ZNF808: variants seen among roughly 807,000 people sequenced by gnomAD.
The protein encoded by ZNF808 is zinc finger protein 808.
ZNF808 carries 5 observed loss-of-function variants against 8.7 expected under a neutral mutation model. That is an observed-to-expected ratio of 0.58 (90% confidence interval 0.30 to 1.21). The LOEUF is 1.21. ZNF808 is among the 50% of genes most tolerant of loss of function. ZNF808 has a pLI of 0.07. For missense variants in ZNF808, 1,103 were observed against 1,098.4 expected (o/e 1.00, Z -0.06); for synonymous variants, 380 against 366.0 (o/e 1.04, Z -0.44).
intron 4 of ZNF808, among the ~76,000 whole-genome samples, chr19:52,548,143 G>C (rs1209253041): frequency 3.3e-5 from 5 of 152,152 alleles, no homozygotes; most frequent in Non-Finnish European, 7.3e-5. Flanking sequence ...AGTCAGTGGT[G>C]TTGCAATTCC....
intron 4 of ZNF808, among the ~76,000 whole-genome samples, chr19:52,549,224 C>T (rs541664302): frequency 7.2e-5 from 11 of 152,194 alleles, no homozygotes; most frequent in Admixed American, 1.3e-4. Flanking sequence ...CTGATGCACC[C>T]GCTCATCCTC....
chr19:52,529,911 ATTTT>A lies in ZNF808; in HGVS notation c.-122+2209_-122+2212del, dbSNP rs201852253. ...AGTTTACATATATATATATATATAT[ATTTT>A]TTTTTTTTGTAGAAACGTGGTTTCA... On this transcript the variant is annotated intron_variant, in intron 1 of 4. Transcript: ENST00000359798. 1.2e-3 allele frequency among the ~76,000 whole-genome samples: 96 copies of A among 81,912 alleles called. 1 individual carries two copies. Among genetic ancestry groups the A allele is most frequent in the African/African-American group, 4.2e-3 (83 of 19,564 alleles). 53.7% of individuals were successfully genotyped at this position (81,912 alleles called of 152,430 possible). A position where few individuals can be genotyped will look rare whatever the true frequency, so the allele number is the denominator to read the frequency against.
downstream of ZNF808, among the ~76,000 whole-genome samples, chr19:52,565,976 A>G (rs1274004164): frequency 6.6e-6 from 1 of 152,190 alleles, no homozygotes; most frequent in Admixed American, 6.5e-5. Flanking sequence ...CCTAGTAGAT[A>G]CTTTTGGATC....
In ZNF808 at chr19:52,554,701, C is replaced by T. The variant is rs770215846; in HGVS notation, c.1785C>T (p.Tyr595=). Residue 595 remains tyrosine (Y), a synonymous_variant, in exon 5 of 5, where the codon TAC becomes TAT. Transcript: ENST00000359798. ...HRRLHTGEKP[Y]KCEACDKVFG... Reference sequence around the variant, plus strand: ...GACTTCATACTGGAGAGAAACCTTACAAATGTGAAGCATGTGACAAAGTTT... The same window carrying T: ...GACTTCATACTGGAGAGAAACCTTATAAATGTGAAGCATGTGACAAAGTTT... 2 of 1,613,808 alleles carry T rather than the reference C, an allele frequency of 1.2e-6. No homozygotes were observed. Among genetic ancestry groups the T allele is most frequent in the East Asian group, 2.2e-5 (1 of 44,864 alleles).
chr19:52,558,149 A>G (rs10409254), downstream of ZNF808, among the ~76,000 whole-genome samples: 3,023 of 140,966 alleles, frequency 0.021, 109 homozygotes, highest in African/African-American at 0.077. Flanking sequence ...GCAGTGGCGC[A>G]ATCTCGGCTC....
At chr19:52,568,479 A>G (rs984348347), downstream of ZNF808, among the ~76,000 whole-genome samples, 2 of 151,872 alleles carry the variant, frequency 1.3e-5, no homozygotes, top group Admixed American at 6.6e-5. Context: ...AGCCCCAGAG[A>G]TAAGACCTCC....
chr19:52,558,179 G>A (rs1458290608), downstream of ZNF808, among the ~76,000 whole-genome samples: 3 of 145,890 alleles, frequency 2.1e-5, no homozygotes, highest in Non-Finnish European at 4.5e-5. Flanking sequence ...TCCGCCTCCT[G>A]GGTTCACGCC....
At chr19:52,538,461 C>T (rs939454800) in intron 2 of ZNF808, among the ~76,000 whole-genome samples, 28 of 150,604 alleles carry the variant, frequency 1.9e-4, no homozygotes, top group Non-Finnish European at 7.4e-5. Flanking sequence ...TCCTGCGATA[C>T]TACCCCCTGA....
intron 2 of ZNF808, among the ~76,000 whole-genome samples, chr19:52,542,313 A>G (rs2123125281): frequency 6.6e-6 from 1 of 152,058 alleles, no homozygotes. Context: ...TGCCCCCAGG[A>G]CCTCTCTGAC....
intron 2 of ZNF808, among the ~76,000 whole-genome samples, chr19:52,536,486 A>C (rs540282070): frequency 2.0e-4 from 30 of 151,928 alleles, no homozygotes; most frequent in African/African-American, 6.8e-4. Flanking sequence ...CCCTTGTCTT[A>C]AGGCGCCGTC....
rs759793294 is a variant in ZNF808 at position 52,555,204 on chromosome 19, A to G, written c.2288A>G (p.Tyr763Cys). ...HRRLHSGEKP[Y>C]KCNDCGNTFR... ...AGACTTCATAGTGGTGAGAAACCTT[A>G]CAAGTGTAACGACTGTGGCAATACC... The change falls in exon 5 of 5, where the codon TAC becomes TGC. Residue 763 changes from tyrosine (Y) to cysteine (C), a missense_variant. Tyr to Cys is a radical substitution (Grantham distance 194, BLOSUM62 -2). Coordinates refer to ENST00000359798, the MANE Select transcript of ZNF808 (RefSeq NM_001039886.4). The G allele has an allele frequency of 6.2e-7, 1 of 1,614,158 alleles. No individual in the cohort carries two copies. Among genetic ancestry groups the G allele is most frequent in the Non-Finnish European group, 8.5e-7 (1 of 1,180,018 alleles).
chr19:52,567,486 T>TTTA (rs199989177), downstream of ZNF808, among the ~76,000 whole-genome samples: 6,257 of 36,996 alleles, frequency 0.17, 232 homozygotes, highest in East Asian at 0.27. Flanking sequence ...AGCTGTATTT[T>TTTA]TTATTATTAT....
chr19:52,554,095 T>G lies in ZNF808; in HGVS notation c.1179T>G (p.His393Gln), dbSNP rs770702131. ...HSYLANHTRI[H>Q]SGEKTYKCNE... Reference sequence around the variant, plus strand: ...ATCTGGCAAACCATACTAGAATTCATAGTGGAGAGAAAACATACAAGTGTA... The same window carrying G: ...ATCTGGCAAACCATACTAGAATTCAGAGTGGAGAGAAAACATACAAGTGTA... Residue 393 changes from histidine (H) to glutamine (Q), a missense_variant, in exon 5 of 5, where the codon CAT (histidine) becomes CAG (glutamine). Coordinates refer to ENST00000359798, the MANE Select transcript of ZNF808 (RefSeq NM_001039886.4). 23 of 1,614,096 alleles carry G rather than the reference T, an allele frequency of 1.4e-5. No individual in the cohort carries two copies. The highest frequency in any genetic ancestry group is 1.8e-5 in the Non-Finnish European group (21 of 1,180,010).
intron 2 of ZNF808, among the ~76,000 whole-genome samples, chr19:52,541,788 C>G (rs897724474): frequency 1.3e-5 from 2 of 152,120 alleles, no homozygotes. Flanking sequence ...GACTCCATGT[C>G]CCCTGCAGGC....
chr19:52,532,510 T>G (rs577284257), intron 1 of ZNF808, among the ~76,000 whole-genome samples: 1 of 152,228 alleles, frequency 6.6e-6, no homozygotes, highest in Non-Finnish European at 1.5e-5. Context: ...TATAATATAT[T>G]GTGTGGTCTT....
In ZNF808 at chr19:52,553,847, G is replaced by A; in HGVS notation, c.931G>A (p.Gly311Arg). 3 of 1,614,138 alleles carry A rather than the reference G, an allele frequency of 1.9e-6. No individual in the cohort carries two copies. Among genetic ancestry groups the A allele is most frequent in the African/African-American group, 2.7e-5 (2 of 75,024 alleles). ...TACATGCCATCATAGACTTCATACT[G>A]GAGTAAAACCTTACAAGTGTAATGA... ...SLTCHHRLHTGVKPYKCNECG... is the reference protein window; with the variant it reads ...SLTCHHRLHTRVKPYKCNECG... The change falls in exon 5 of 5, where the codon GGA becomes AGA. Residue 311 changes from glycine to arginine, a missense_variant. By Grantham distance (125) the Gly-to-Arg change is moderately radical. Coordinates refer to ENST00000359798, the MANE Select transcript of ZNF808 (RefSeq NM_001039886.4).
At chr19:52,535,382 A>AGAC (rs1221740880) in intron 2 of ZNF808, among the ~76,000 whole-genome samples, 4 of 149,014 alleles carry the variant, frequency 2.7e-5, no homozygotes, top group Non-Finnish European at 5.9e-5. Context: ...AGCGAGGGAG[A>AGAC]GACGAGGGAG....
chr19:52,540,494 G>C (rs1472244245), intron 2 of ZNF808, among the ~76,000 whole-genome samples: 2 of 152,100 alleles, frequency 1.3e-5, no homozygotes, highest in Admixed American at 1.3e-4. Context: ...TGTGATATAT[G>C]TTGTTAGGTT....
chr19:52,564,080 CTT>C, exon 4 of ZNF808: 1 of 640,246 alleles, frequency 1.6e-6, no homozygotes, highest in Non-Finnish European at 2.9e-6. Context: ...CTTGTCATGT[CTT>C]CTCACAAGAC....
Sources: gnomAD v4.1 joint callset for allele counts (sites outside exome capture counted in the v4.1 genomes callset) on GRCh38, gnomAD v4.1.1 for gene constraint, MANE v1.5 for transcripts, NCBI Gene and HGNC (gene_info 2026-07-23, HGNC 2026-07-21) for gene names.